Variants in SETBP1 observed in about 807,000 individuals in gnomAD.
SETBP1 encodes the protein SET-binding protein.
In SETBP1, 9 loss-of-function variants were observed where a neutral mutation model predicts 101.0. The observed-to-expected ratio is 0.09, with a 90% CI of 0.05 to 0.16. The LOEUF is 0.16. Ranked by LOEUF, SETBP1 falls within the 10% of genes least tolerant of loss-of-function variation. SETBP1 has a pLI of 1.00. For synonymous variants in SETBP1, 818 were observed against 788.5 expected (o/e 1.04, Z -0.63); for missense variants, 1,858 against 2,033.8 (o/e 0.91, Z 1.66).
chr18:44,727,212 GTGTGTGTT>G (rs1286811121), intron 2 of SETBP1, among the ~76,000 whole-genome samples: 1 of 140,402 alleles, frequency 7.1e-6, no homozygotes, highest in East Asian at 2.2e-4. Context: ...GTGTGTGTGT[GTGTGTGTT>G]GATACCCAAA....
At chr18:44,946,502 T>C (rs1013066432) in intron 3 of SETBP1, among the ~76,000 whole-genome samples, 1 of 152,202 alleles carries the variant, frequency 6.6e-6, no homozygotes, top group Non-Finnish European at 1.5e-5. Context: ...AAAATTGCAT[T>C]GAAGGGGAGT....
In SETBP1 at chr18:44,779,937, C is replaced by A. The variant is rs1052362264; in HGVS notation, c.486+78105C>A. ...ACACACACACACACACACGCACGCA[C>A]ACACACACGCACGCACACACGCATG... On this transcript the variant is annotated intron_variant, in intron 2 of 5. Coordinates refer to ENST00000649279, the MANE Select transcript of SETBP1 (RefSeq NM_015559.3). Among the ~76,000 whole-genome samples, 3 of 151,878 alleles carry A rather than the reference C, an allele frequency of 2.0e-5. No individual in the cohort carries two copies. The East Asian group carries it at 5.8e-4, about 29-fold the overall frequency.
chr18:44,869,812 G>A (rs1338698617), intron 3 of SETBP1: 3 of 200,502 alleles, frequency 1.5e-5, no homozygotes, highest in Admixed American at 5.3e-5. Context: ...AGGTTACTAT[G>A]GGCAAACTGT....
chr18:44,868,696 G>T (rs2069187294), intron 2 of SETBP1, among the ~76,000 whole-genome samples: 1 of 107,272 alleles, frequency 9.3e-6, no homozygotes. Context: ...GAGAGAGAGA[G>T]AGGACGGAAG....
At chr18:44,793,221 T>TA (rs1308299498) in intron 2 of SETBP1, among the ~76,000 whole-genome samples, 1 of 152,252 alleles carries the variant, frequency 6.6e-6, no homozygotes, top group Non-Finnish European at 1.5e-5. Context: ...TCAGTTTTTT[T>TA]ATCTATAAAA....
At chr18:44,985,088 C>T (rs1241154831) in intron 4 of SETBP1, among the ~76,000 whole-genome samples, 4 of 152,118 alleles carry the variant, frequency 2.6e-5, no homozygotes, top group Admixed American at 6.5e-5. Context: ...TTGCAGTGAG[C>T]GGAGATCATG....
intron 2 of SETBP1, among the ~76,000 whole-genome samples, chr18:44,747,488 G>T (rs189147437): frequency 5.9e-5 from 9 of 152,348 alleles, no homozygotes; most frequent in African/African-American, 2.2e-4. Flanking sequence ...CACACAGCTC[G>T]AGAATGGCAG....
intron 2 of SETBP1, among the ~76,000 whole-genome samples, chr18:44,752,447 A>G (rs1475164503): frequency 6.6e-6 from 1 of 152,206 alleles, no homozygotes; most frequent in Non-Finnish European, 1.5e-5. Flanking sequence ...TTCTTGGGGA[A>G]TGACCTAAAT....
chr18:44,708,855 C>A (rs978097216), intron 2 of SETBP1, among the ~76,000 whole-genome samples: 2 of 152,220 alleles, frequency 1.3e-5, no homozygotes, highest in Non-Finnish European at 2.9e-5. Context: ...CATTCTGTTT[C>A]ATCAGCAGGG....
intron 4 of SETBP1, among the ~76,000 whole-genome samples, chr18:45,029,293 C>G (rs554686884): frequency 8.6e-5 from 13 of 151,972 alleles, no homozygotes; most frequent in Admixed American, 2.6e-4. Context: ...GCTTGTTTTT[C>G]TCAGGTTTGT....
chr18:44,931,902 G>A (rs554688817), intron 3 of SETBP1, among the ~76,000 whole-genome samples: 5 of 152,266 alleles, frequency 3.3e-5, no homozygotes, highest in African/African-American at 1.2e-4. Context: ...CAATTTGCCA[G>A]TCTGTGTCTT....
chr18:45,036,669 A>G (rs2073404690), intron 4 of SETBP1, among the ~76,000 whole-genome samples: 2 of 152,234 alleles, frequency 1.3e-5, no homozygotes, highest in South Asian at 4.1e-4. Flanking sequence ...ATTTTTGTTC[A>G]TGGTATCACA....
chr18:44,695,401 A>G (rs1380955869), intron 1 of SETBP1, among the ~76,000 whole-genome samples: 15 of 152,236 alleles, frequency 9.9e-5, no homozygotes, highest in Non-Finnish European at 2.2e-4. Context: ...ATTCTAACAT[A>G]ATGAAAAAGA....
At chr18:45,018,738 CAG>C (rs1396429125) in intron 4 of SETBP1, among the ~76,000 whole-genome samples, 5 of 152,150 alleles carry the variant, frequency 3.3e-5, no homozygotes, top group Admixed American at 2.6e-4. Flanking sequence ...CTGCTCAAAA[CAG>C]AGCAGTGGTT....
chr18:44,913,314 C>T (rs1355071790), intron 3 of SETBP1, among the ~76,000 whole-genome samples: 3 of 152,230 alleles, frequency 2.0e-5, no homozygotes, highest in Non-Finnish European at 4.4e-5. Flanking sequence ...AGTTTCATTA[C>T]ATCACCAGGG....
At chr18:44,791,736 A>C (rs1452111042) in intron 2 of SETBP1, among the ~76,000 whole-genome samples, 1 of 152,104 alleles carries the variant, frequency 6.6e-6, no homozygotes, top group Admixed American at 6.6e-5. Context: ...AGAGAGAGAG[A>C]GAGAGCGAGA....
intron 4 of SETBP1, among the ~76,000 whole-genome samples, chr18:45,034,231 G>A (rs1201335329): frequency 6.6e-6 from 1 of 152,186 alleles, no homozygotes; most frequent in Non-Finnish European, 1.5e-5. Context: ...CCTTAAGGTA[G>A]TAAACAATGC....
chr18:44,901,908 A>G (rs186959725), intron 3 of SETBP1, among the ~76,000 whole-genome samples: 1 of 152,194 alleles, frequency 6.6e-6, no homozygotes, highest in Non-Finnish European at 1.5e-5. Context: ...ATTTTAACAC[A>G]TCTTTTAAAT....
At chr18:44,783,806 G>A (rs986303097) in intron 2 of SETBP1, among the ~76,000 whole-genome samples, 5 of 152,234 alleles carry the variant, frequency 3.3e-5, no homozygotes, top group Admixed American at 6.5e-5. Flanking sequence ...TGTAAGAGGT[G>A]AGTCTAGAGT....
Sources: allele counts gnomAD v4.1 joint callset (sites outside exome capture counted in the v4.1 genomes callset), GRCh38; gene constraint gnomAD v4.1.1; transcripts MANE v1.5; gene names NCBI Gene and HGNC (gene_info 2026-07-23, HGNC 2026-07-21).